Variants in ATXN10 observed in about 807,000 individuals in gnomAD.
ATXN10 encodes ataxin-10.
Under a neutral mutation model 52.9 loss-of-function variants are expected in ATXN10, and 28 were observed. The ratio of observed to expected loss-of-function variants is 0.53; its 90% confidence interval spans 0.39 to 0.73. The LOEUF is 0.73. Among genes scored for constraint, ATXN10 ranks in the 30% least tolerant of loss-of-function variants. The pLI, the probability that ATXN10 is intolerant of heterozygous loss-of-function variation, is 0.00. For missense variants in ATXN10, 565 were observed against 577.0 expected, an observed-to-expected ratio of 0.98 and a Z score of 0.21; for synonymous variants, 226 against 221.5, an observed-to-expected ratio of 1.02 and a Z score of -0.18.
chr22:45,765,179 A>G (rs2146834278), intron 9 of ATXN10, among the ~76,000 whole-genome samples: 1 of 152,280 alleles, frequency 6.6e-6, no homozygotes, highest in East Asian at 1.9e-4. Flanking sequence ...GGCCAGTCCT[A>G]GAAGCCACTT....
chr22:45,765,897 TA>T (rs915850184), intron 9 of ATXN10, among the ~76,000 whole-genome samples: 24 of 152,208 alleles, frequency 1.6e-4, no homozygotes, highest in African/African-American at 5.8e-4. Context: ...TTTATTTAGA[TA>T]AATAAATGAG....
chr22:45,745,693 T>C (rs1338812967), intron 9 of ATXN10, among the ~76,000 whole-genome samples: 2 of 152,252 alleles, frequency 1.3e-5, no homozygotes, highest in East Asian at 1.9e-4. Flanking sequence ...TTGCTCATCA[T>C]GTTACTCCCA....
chr22:45,749,506 C>T (rs1925864532), intron 9 of ATXN10, among the ~76,000 whole-genome samples: 1 of 152,172 alleles, frequency 6.6e-6, no homozygotes, highest in South Asian at 2.1e-4. Context: ...GAACTTTTTT[C>T]ATTATCATCT....
At chr22:45,836,609 T>TC (rs1201061312) in intron 10 of ATXN10, among the ~76,000 whole-genome samples, 2 of 152,228 alleles carry the variant, frequency 1.3e-5, no homozygotes, top group Middle Eastern at 3.4e-3. Context: ...CAATGAGGAC[T>TC]CCCCCCTGGG....
intron 9 of ATXN10, 67 bp downstream of exon 9, chr22:45,740,605 A>G: frequency 1.3e-6 from 2 of 1,523,860 alleles, no homozygotes; most frequent in Non-Finnish European, 1.8e-6. Context: ...CTTGGAAGAC[A>G]TTCACTCTTT....
At position 45,740,393 on chromosome 22, in the gene ATXN10, C is replaced by T. The variant is rs753014195; in HGVS notation, c.1028C>T (p.Ala343Val). 20 of 1,613,656 alleles carry T rather than the reference C, an allele frequency of 1.2e-5. No homozygotes were observed. The Admixed American group carries it at 1.8e-4, about 15-fold the overall frequency. Residue 343 changes from alanine (A) to valine (V), a missense_variant, in exon 9 of 12, where the codon GCT becomes GTT. Ala to Val is a moderately conservative substitution (Grantham distance 64, BLOSUM62 0). Transcript: ENST00000252934. The stretch of plus-strand genomic sequence containing the variant: ...GATCTTTTGCGGGTGATTCATGTAG[C>T]TGGAAAAGAAACCACAAACATCTTC... The part of the protein sequence containing the change: ...VIDLLRVIHV[A>V]GKETTNIFSN...
chr22:45,799,372 C>T (rs988497023), intron 9 of ATXN10, among the ~76,000 whole-genome samples: 2 of 152,190 alleles, frequency 1.3e-5, no homozygotes, highest in Admixed American at 6.5e-5. Context: ...TACCTTACAA[C>T]GTGACCTTAT....
intron 6 of ATXN10, among the ~76,000 whole-genome samples, chr22:45,720,631 A>G (rs1205315214): frequency 1.3e-5 from 2 of 152,196 alleles, no homozygotes; most frequent in East Asian, 1.9e-4. Context: ...ATAAACTACA[A>G]TGAGGTACCA....
At position 45,844,953 on chromosome 22, in the gene ATXN10, C is replaced by G. The variant is rs1433544286; in HGVS notation, c.*1282C>G. 6.6e-6 allele frequency: 1 copy of G among 152,230 alleles called. No homozygotes were observed. The highest frequency in any genetic ancestry group is 2.4e-5 in the African/African-American group (1 of 41,466). The allele number at this position is 152,230 out of a possible 1,614,324, so 9.4% of individuals were successfully genotyped here. A position where few individuals can be genotyped will look rare whatever the true frequency, so the allele number is the denominator to read the frequency against. On this transcript the variant is annotated 3_prime_UTR_variant, in exon 12 of 12. Transcript: ENST00000252934. ...TTTCCCATGTGCTGTCTAATGTACT[C>G]TGTGTAACTCTGAAGACACATCAGC...
At chr22:45,792,691 C>G (rs1343236873) in intron 9 of ATXN10, 1 of 313,542 alleles carries the variant, frequency 3.2e-6, no homozygotes, top group Non-Finnish European at 6.5e-6. Context: ...TTCAGTGGCT[C>G]TGAACTATCT....
intron 6 of ATXN10, among the ~76,000 whole-genome samples, chr22:45,724,863 T>G (rs1378433317): frequency 6.6e-6 from 1 of 152,198 alleles, no homozygotes; most frequent in Admixed American, 6.5e-5. Flanking sequence ...GTTTCATTTT[T>G]CTACCTGTGG....
chr22:45,764,240 C>G (rs1601631793), intron 9 of ATXN10, among the ~76,000 whole-genome samples: 1 of 152,038 alleles, frequency 6.6e-6, no homozygotes, highest in African/African-American at 2.4e-5. Flanking sequence ...CCCCCAGCCC[C>G]CACCCCCACT....
rs1243931341 is a variant in ATXN10 at position 45,820,035 on chromosome 22, T to C, written c.1237+13013T>C. On this transcript the variant is annotated intron_variant, in intron 10 of 11. Transcript: ENST00000252934. This position sits in a 1 kb window ranked among gnomAD's most constrained non-coding sequence, Gnocchi z 4.9. ...TGAGTGTGTCACAGCCATTCAGCAC[T>C]GTTGGACTGTAACTCCTGGGCTGTT... is the stretch of plus-strand genomic sequence containing the variant. Among the ~76,000 whole-genome samples, 4 of 152,208 alleles carry C rather than the reference T, an allele frequency of 2.6e-5. No homozygotes were observed. Among genetic ancestry groups the C allele is most frequent in the African/African-American group, 7.2e-5 (3 of 41,450 alleles).
At chr22:45,815,102 T>A (rs112458392) in intron 10 of ATXN10, among the ~76,000 whole-genome samples, 82 of 152,194 alleles carry the variant, frequency 5.4e-4, no homozygotes, top group African/African-American at 1.9e-3. Flanking sequence ...TGTGCAGTAG[T>A]GGAATAGGTA....
intron 9 of ATXN10, among the ~76,000 whole-genome samples, chr22:45,761,605 C>T (rs1294739701): frequency 3.3e-5 from 5 of 152,082 alleles, no homozygotes; most frequent in Non-Finnish European, 5.9e-5. Flanking sequence ...TCAAATGTAA[C>T]GAAGCATTAT....
intron 5 of ATXN10, among the ~76,000 whole-genome samples, chr22:45,714,548 T>TA (rs1924374644): frequency 6.6e-6 from 1 of 151,954 alleles, no homozygotes; most frequent in Non-Finnish European, 1.5e-5. Context: ...ACCTGGCTGA[T>TA]TAATTTTTTA....
chr22:45,706,914 T>C (rs1166061527), intron 5 of ATXN10, among the ~76,000 whole-genome samples: 1 of 152,204 alleles, frequency 6.6e-6, no homozygotes. Context: ...GTTGTTTAAA[T>C]CTTCTGTTTT....
At position 45,729,548 on chromosome 22, in the gene ATXN10, G is replaced by A. The variant is rs949316184; in HGVS notation, c.852G>A (p.Lys284=). The change falls in exon 7 of 12, where the codon AAG becomes AAA. Residue 284 remains lysine (K), a synonymous_variant. Transcript: ENST00000252934. ...LIASTFVDQC[K]TVLKLASEEP... is the part of the protein sequence containing the mutation. The stretch of plus-strand genomic sequence containing the variant: ...CAAGCACCTTTGTGGATCAGTGCAA[G>A]ACTGTGCTCAAGCTGGCCTCTGAGG... 3 of 1,614,060 alleles carry A rather than the reference G, an allele frequency of 1.9e-6. No individual in the cohort carries two copies. The African/African-American group carries it at 4.0e-5, about 22-fold the overall frequency.
intron 7 of ATXN10, among the ~76,000 whole-genome samples, chr22:45,735,567 A>C (rs187545103): frequency 6.6e-5 from 10 of 152,266 alleles, no homozygotes; most frequent in Admixed American, 2.6e-4. Flanking sequence ...ATGAACACAC[A>C]AAAAAATGCA....
Sources: gnomAD v4.1 joint callset for allele counts (sites outside exome capture counted in the v4.1 genomes callset) on GRCh38, gnomAD v4.1.1 for gene constraint, Gnocchi (gnomAD v3.1) non-coding constraint, MANE v1.5 for transcripts, NCBI Gene and HGNC (gene_info 2026-07-23, HGNC 2026-07-21) for gene names.